The following RBFOX1 variants were observed in gnomAD, a reference collection of about 807,000 sequenced individuals.
RBFOX1 encodes the protein RNA binding fox-1 homolog 1, also known as RNA binding protein fox-1 homolog 1.
Under a neutral mutation model 57.7 loss-of-function variants are expected in RBFOX1, and 8 were observed. The observed-to-expected ratio is 0.14, with a 90% CI of 0.08 to 0.25. The LOEUF is 0.25. Among genes scored for constraint, RBFOX1 ranks in the 10% least tolerant of loss-of-function variants. RBFOX1 has a pLI of 1.00. For missense variants in RBFOX1, 611 were observed against 548.5 expected (o/e 1.11, Z -1.14); for synonymous variants, 326 against 222.4 (o/e 1.47, Z -4.15).
chr16:5,364,780 G>A (rs1385650579), intron 1 of RBFOX1, among the ~76,000 whole-genome samples: 1 of 151,972 alleles, frequency 6.6e-6, no homozygotes, highest in African/African-American at 2.4e-5. Flanking sequence ...TGTGAGGCAG[G>A]TGCTGCTTTA....
At chr16:7,634,259 G>A (rs570147582) in intron 11 of RBFOX1, among the ~76,000 whole-genome samples, 12 of 152,258 alleles carry the variant, frequency 7.9e-5, no homozygotes, top group Admixed American at 6.5e-4. Flanking sequence ...CTGAAGGAAG[G>A]TGTGTGTAAA....
chr16:7,249,746 C>T (rs988565255), intron 4 of RBFOX1, among the ~76,000 whole-genome samples: 3 of 152,098 alleles, frequency 2.0e-5, no homozygotes, highest in African/African-American at 7.2e-5. Context: ...GATTTTCCAC[C>T]ATAACAAACC....
At chr16:6,649,827 GTTATATATGTATAGTATA>G (rs1226189306) in intron 2 of RBFOX1, among the ~76,000 whole-genome samples, 1 of 152,040 alleles carries the variant, frequency 6.6e-6, no homozygotes, top group Non-Finnish European at 1.5e-5. Context: ...TAAGTTTTCT[GTTATATATGTATAGTATA>G]TTATATATTG....
chr16:7,712,700 G>T lies in RBFOX1; in HGVS notation c.*1955G>T, dbSNP rs569161034. On this transcript the variant is annotated 3_prime_UTR_variant, in exon 16 of 16. Transcript: ENST00000550418. ...CTCATTCCCCCACCTGGAAAACAGT[G>T]TTATGGCAATGGGTGCCTGGTTGAT... 6.6e-6 allele frequency: 1 copy of T among 152,278 alleles called. No individual in the cohort carries two copies. The highest frequency in any genetic ancestry group is 2.4e-5 in the African/African-American group (1 of 41,544). 9.4% of individuals were successfully genotyped at this position (152,278 alleles called of 1,614,324 possible). A position where few individuals can be genotyped will look rare whatever the true frequency, so the allele number is the denominator to read the frequency against.
intron 2 of RBFOX1, among the ~76,000 whole-genome samples, chr16:5,537,747 G>T (rs554386793): frequency 3.9e-5 from 6 of 152,160 alleles, no homozygotes; most frequent in South Asian, 2.1e-4. Flanking sequence ...ACCCAGTTGG[G>T]AAAGGTGCTC....
chr16:6,985,481 C>T (rs967128394), intron 3 of RBFOX1, among the ~76,000 whole-genome samples: 2 of 152,106 alleles, frequency 1.3e-5, no homozygotes, highest in African/African-American at 4.8e-5. Context: ...GTCCACATCT[C>T]TTAAAAAATT....
At chr16:6,706,806 G>T (rs1265420972) in intron 3 of RBFOX1, among the ~76,000 whole-genome samples, 5 of 149,018 alleles carry the variant, frequency 3.4e-5, no homozygotes, top group African/African-American at 1.2e-4. Context: ...ACAGAAAATT[G>T]TCCTGTTTAG....
chr16:6,370,470 G>A (rs7184059), intron 2 of RBFOX1, among the ~76,000 whole-genome samples: 2 of 150,020 alleles, frequency 1.3e-5, no homozygotes, highest in African/African-American at 4.9e-5. Context: ...TGCAAGCTTA[G>A]TTGTTTCAGC....
intron 2 of RBFOX1, among the ~76,000 whole-genome samples, chr16:6,506,452 C>A (rs2096092420): frequency 2.0e-5 from 3 of 151,698 alleles, no homozygotes; most frequent in African/African-American, 4.8e-5. Context: ...TGGTCAAAGG[C>A]AGTGAGAAAG....
chr16:6,254,219 G>A (rs938137259), intron 1 of RBFOX1, among the ~76,000 whole-genome samples: 6 of 152,126 alleles, frequency 3.9e-5, no homozygotes, highest in Admixed American at 3.9e-4. Context: ...TGTCTGTATA[G>A]GTTATCATGC....
At chr16:7,275,380 C>G (rs1365876334) in intron 4 of RBFOX1, among the ~76,000 whole-genome samples, 1 of 152,198 alleles carries the variant, frequency 6.6e-6, no homozygotes, top group Non-Finnish European at 1.5e-5. Context: ...TGTGTTGCTT[C>G]TGATACTTCA....
chr16:5,388,717 G>C (rs954014554), intron 1 of RBFOX1, among the ~76,000 whole-genome samples: 1 of 151,890 alleles, frequency 6.6e-6, no homozygotes, highest in Non-Finnish European at 1.5e-5. Flanking sequence ...TGGGACTACA[G>C]GTGCATGCCA....
intron 2 of RBFOX1, among the ~76,000 whole-genome samples, chr16:6,393,263 G>T (rs2092685055): frequency 6.6e-6 from 1 of 152,140 alleles, no homozygotes; most frequent in Admixed American, 6.5e-5. Flanking sequence ...AGTCATTAGG[G>T]TTTTAAGAAA....
intron 3 of RBFOX1, among the ~76,000 whole-genome samples, chr16:5,820,141 C>T (rs920686811): frequency 2.0e-5 from 3 of 152,196 alleles, no homozygotes; most frequent in African/African-American, 4.8e-5. Context: ...GTGGTTGTTG[C>T]TGTCATTCCC....
chr16:6,226,374 CA>C (rs368116983), intron 1 of RBFOX1, among the ~76,000 whole-genome samples: 42 of 86,558 alleles, frequency 4.9e-4, no homozygotes, highest in Middle Eastern at 8.5e-3. Flanking sequence ...ACTCTGTCTC[CA>C]AAAAAAAAAA....
In RBFOX1 at chr16:6,435,183, G is replaced by T. The variant is rs189070624; in HGVS notation, c.-64+118126G>T. On this transcript the variant is annotated intron_variant, in intron 2 of 15. Transcript: ENST00000550418. The stretch of plus-strand genomic sequence containing the variant: ...TAGTGAACGCATGTTACCACTGAAG[G>T]ATCACCTTTACTCATTCAGAGTGGT... 1.1e-4 allele frequency among the ~76,000 whole-genome samples: 16 copies of T among 152,126 alleles called. No individual in the cohort carries two copies. The East Asian group carries it at 3.1e-3, about 29-fold the overall frequency.
chr16:6,493,047 C>A lies in RBFOX1; in HGVS notation c.-63-161556C>A, dbSNP rs201146190. Among the ~76,000 whole-genome samples the A allele has an allele frequency of 3.9e-5, 6 of 152,006 alleles. No homozygotes were observed. The East Asian group carries it at 1.2e-3, about 29-fold the overall frequency. ...TCTTTGTGATTTTCAGCAAAGATGCCCTATTTGGATAATTAAAAAATATTT... is the reference window on the plus strand; with the variant it reads ...TCTTTGTGATTTTCAGCAAAGATGCACTATTTGGATAATTAAAAAATATTT... On this transcript the variant is annotated intron_variant, in intron 2 of 15. Transcript: ENST00000550418.
At chr16:6,031,965 C>A (rs1487565752) in intron 1 of RBFOX1, among the ~76,000 whole-genome samples, 1 of 152,178 alleles carries the variant, frequency 6.6e-6, no homozygotes, top group Non-Finnish European at 1.5e-5. Flanking sequence ...CTGTAGTCCA[C>A]CCCTGAATTG....
chr16:7,622,980 T>C (rs1196325912), intron 10 of RBFOX1, among the ~76,000 whole-genome samples: 1 of 152,204 alleles, frequency 6.6e-6, no homozygotes, highest in Non-Finnish European at 1.5e-5. Context: ...CCACCGTCCA[T>C]TCGGGCTTTG....
Sources: allele counts gnomAD v4.1 joint callset (sites outside exome capture counted in the v4.1 genomes callset), GRCh38; gene constraint gnomAD v4.1.1; transcripts MANE v1.5; gene names NCBI Gene and HGNC (gene_info 2026-07-23, HGNC 2026-07-21).